The following EYA1 variants were observed in gnomAD, a reference collection of about 807,000 sequenced individuals.
EYA1 encodes EYA transcriptional coactivator and phosphatase 1.
EYA1 carries 16 observed loss-of-function variants against 82.0 expected under a neutral mutation model. The ratio of observed to expected loss-of-function variants is 0.20; its 90% CI spans 0.13 to 0.30. The LOEUF (loss-of-function observed/expected upper bound fraction) is 0.30, where lower values mean the gene tolerates loss of function less well. Among genes scored for constraint, EYA1 ranks in the 10% least tolerant of loss-of-function variants. The pLI, the probability that EYA1 is intolerant of heterozygous loss-of-function variation, is 1.00. For synonymous variants in EYA1, 261 were observed against 264.4 expected, an observed-to-expected ratio of 0.99 and a Z score of 0.12; for missense variants, 633 against 730.7, an observed-to-expected ratio of 0.87 and a Z score of 1.54.
chr8:71,263,516 C>T (rs1372651003), intron 11 of EYA1, among the ~76,000 whole-genome samples: 3 of 152,150 alleles, frequency 2.0e-5, no homozygotes, highest in South Asian at 2.1e-4. Flanking sequence ...AATGAATTCA[C>T]GTGAGGGTCT....
chr8:71,327,294 T>C (rs1823271066), intron 4 of EYA1, among the ~76,000 whole-genome samples: 1 of 152,220 alleles, frequency 6.6e-6, no homozygotes, highest in Admixed American at 6.5e-5. Context: ...GTATACCTTT[T>C]ATGAACAATT....
intron 12 of EYA1, among the ~76,000 whole-genome samples, chr8:71,233,651 G>A (rs28496249): frequency 0.06 from 9,089 of 151,550 alleles, 901 homozygotes; most frequent in African/African-American, 0.21. Flanking sequence ...CTGGAACCAC[G>A]CTGCATATCA....
chr8:71,421,330 A>G (rs1284873349), intron 2 of EYA1, among the ~76,000 whole-genome samples: 1 of 152,192 alleles, frequency 6.6e-6, no homozygotes, highest in East Asian at 1.9e-4. Flanking sequence ...ATGAAAGGAC[A>G]CTGGACACTT....
intron 11 of EYA1, among the ~76,000 whole-genome samples, chr8:71,250,039 T>G (rs927493575): frequency 6.8e-6 from 1 of 147,272 alleles, no homozygotes; most frequent in Non-Finnish European, 1.5e-5. Context: ...GCTTTCTTGT[T>G]TTTTTTTTTT....
In EYA1 at chr8:71,360,156, T is replaced by TA. The variant is rs1318563392; in HGVS notation, c.-55+1490dup. 2.0e-5 allele frequency among the ~76,000 whole-genome samples: 3 copies of TA among 152,314 alleles called. No individual in the cohort carries two copies. In the East Asian group the frequency reaches 5.8e-4, roughly 29 times the overall value. ...ACTACTGCTGATTATTTTCAAGTAG[T>TA]ATAGTACATTACTTTTTGCAATGCG... On this transcript the variant is annotated intron_variant, in intron 1 of 17. Coordinates refer to ENST00000340726, the MANE Select transcript of EYA1 (RefSeq NM_000503.6).
Position 71,322,193 on chromosome 8 carries a change from T to A in EYA1, c.272+6A>T, listed in dbSNP as rs1822640952. On this transcript the variant is annotated splice_donor_region_variant and intron_variant, in intron 5 of 17. Coordinates refer to ENST00000340726, the MANE Select transcript of EYA1 (RefSeq NM_000503.6). ...TATTTATTGATTAAGAGAAAATACATCTTACTTGGAAGGGTAAATCTGTGG... is the reference window on the plus strand; with the variant it reads ...TATTTATTGATTAAGAGAAAATACAACTTACTTGGAAGGGTAAATCTGTGG... 6.2e-7 allele frequency: 1 copy of A among 1,610,390 alleles called. No homozygotes were observed. The highest frequency in any genetic ancestry group is 1.3e-5 in the African/African-American group (1 of 74,968).
intron 2 of EYA1, among the ~76,000 whole-genome samples, chr8:71,406,508 T>G (rs1830235027): frequency 6.6e-6 from 1 of 152,104 alleles, no homozygotes; most frequent in Non-Finnish European, 1.5e-5. Flanking sequence ...CGCAGGCCAG[T>G]GGGTGTGTGC....
At chr8:71,295,266 A>G (rs1361919963) in intron 9 of EYA1, among the ~76,000 whole-genome samples, 1 of 152,200 alleles carries the variant, frequency 6.6e-6, no homozygotes, top group Non-Finnish European at 1.5e-5. Context: ...CTTCTCTGCA[A>G]AAGACACTGC....
chr8:71,434,681 T>C (rs1051312458), intron 2 of EYA1, among the ~76,000 whole-genome samples: 1 of 152,178 alleles, frequency 6.6e-6, no homozygotes, highest in Non-Finnish European at 1.5e-5. Flanking sequence ...CAGGCAAATG[T>C]GAATTGTTTA....
At chr8:71,328,421 CTTTCCG>C (rs1225529059) in intron 4 of EYA1, among the ~76,000 whole-genome samples, 2 of 152,198 alleles carry the variant, frequency 1.3e-5, no homozygotes, top group African/African-American at 4.8e-5. Context: ...TCTCCTGATT[CTTTCCG>C]CTGTATTCAA....
chr8:71,281,918 G>T (rs1817853508), intron 9 of EYA1, among the ~76,000 whole-genome samples: 1 of 152,204 alleles, frequency 6.6e-6, no homozygotes, highest in South Asian at 2.1e-4. Context: ...CCAGGGATGT[G>T]ACTGAGCAGG....
intron 2 of EYA1, among the ~76,000 whole-genome samples, chr8:71,431,936 A>G (rs907537332): frequency 6.6e-6 from 1 of 152,120 alleles, no homozygotes; most frequent in African/African-American, 2.4e-5. Context: ...GGATAGCCTG[A>G]TCTACTCATG....
rs1291052809 is a variant in EYA1, at chr8:71,429,042, G to T, written c.34-72531C>A. ...GTTATTGGTATAAGACCCCTTGATG[G>T]AAGTATTTGGTCACCTTCTATAGGA... is the stretch of plus-strand genomic sequence containing the variant. On this transcript the variant is annotated intron_variant, in intron 2 of 18. Transcript: ENST00000643681. Among the ~76,000 whole-genome samples, 5 of 152,226 alleles carry T rather than the reference G, an allele frequency of 3.3e-5. No individual in the cohort carries two copies. The East Asian group carries it at 9.7e-4, about 29-fold the overall frequency.
intron 2 of EYA1, among the ~76,000 whole-genome samples, chr8:71,514,584 A>G (rs1172681908): frequency 6.6e-6 from 1 of 152,162 alleles, no homozygotes; most frequent in Non-Finnish European, 1.5e-5. Flanking sequence ...CGCACTTCTT[A>G]TATGGCAGTG....
At chr8:71,520,568 G>A (rs1813324329) in intron 2 of EYA1, among the ~76,000 whole-genome samples, 1 of 152,052 alleles carries the variant, frequency 6.6e-6, no homozygotes, top group Non-Finnish European at 1.5e-5. Flanking sequence ...GTCTTGCCAC[G>A]TCTAATCCAC....
chr8:71,348,008 CT>C (rs886628052), intron 3 of EYA1, among the ~76,000 whole-genome samples: 4 of 151,786 alleles, frequency 2.6e-5, no homozygotes, highest in African/African-American at 9.7e-5. Context: ...CCTTGATAAG[CT>C]TATGAAGACT....
At chr8:71,536,552 T>C (rs1349856050) in intron 1 of EYA1, among the ~76,000 whole-genome samples, 2 of 152,228 alleles carry the variant, frequency 1.3e-5, no homozygotes, top group African/African-American at 4.8e-5. Flanking sequence ...AATTTCCTAA[T>C]GTTCAGAATT....
At chr8:71,356,979 C>T (rs1826950001) in intron 1 of EYA1, among the ~76,000 whole-genome samples, 1 of 152,250 alleles carries the variant, frequency 6.6e-6, no homozygotes, top group Admixed American at 6.5e-5. Flanking sequence ...CCGCCCACCC[C>T]TTTGACTCCT....
intron 2 of EYA1, among the ~76,000 whole-genome samples, chr8:71,449,516 A>C (rs1478098197): frequency 6.6e-6 from 1 of 152,218 alleles, no homozygotes; most frequent in East Asian, 1.9e-4. Context: ...TGGGCTTAAA[A>C]TATTTAAAAA....
Sources: gnomAD v4.1 joint callset for allele counts (sites outside exome capture counted in the v4.1 genomes callset) on GRCh38, gnomAD v4.1.1 for gene constraint, MANE v1.5 for transcripts, NCBI Gene and HGNC (gene_info 2026-07-23, HGNC 2026-07-21) for gene names.